Variants in POM121C observed in about 807,000 individuals in gnomAD.
POM121C encodes nuclear envelope pore membrane protein POM 121C.
POM121C carries 20 observed loss-of-function variants against 66.4 expected under a neutral mutation model. The observed-to-expected ratio is 0.30, with a 90% CI of 0.21 to 0.44. The LOEUF (loss-of-function observed/expected upper bound fraction) is 0.44. Ranked by LOEUF, POM121C falls within the 20% of genes least tolerant of loss-of-function variation. The probability of loss-of-function intolerance (pLI) is 1.00; values close to 1 mark genes in which losing one functional copy is unlikely to be tolerated. For synonymous variants in POM121C, 286 were observed against 528.0 expected (o/e 0.54, Z 6.28); for missense variants, 580 against 1,225.7 (o/e 0.47, Z 7.87).
At chr7:75,466,377 G>A (rs1177608226) in intron 3 of POM121C, among the ~76,000 whole-genome samples, 1 of 151,820 alleles carries the variant, frequency 6.6e-6, no homozygotes, top group Non-Finnish European at 1.5e-5. Flanking sequence ...AGGCTGAGGT[G>A]GGCAGATCTC....
chr7:75,427,858 G>T (rs1790016990), intron 7 of POM121C, among the ~76,000 whole-genome samples: 1 of 152,144 alleles, frequency 6.6e-6, no homozygotes, highest in Admixed American at 6.6e-5. Flanking sequence ...CAGACAAGTG[G>T]TAAGCAGCAG....
intron 13 of POM121C, chr7:75,419,746 G>GTA (rs1789618775): frequency 2.7e-6 from 1 of 364,328 alleles, no homozygotes; most frequent in Admixed American, 4.8e-5. Context: ...TGGGGCCCCC[G>GTA]CCTCCTAGCG....
At chr7:75,447,699 C>A (rs1339336204) in intron 3 of POM121C, among the ~76,000 whole-genome samples, 1 of 151,574 alleles carries the variant, frequency 6.6e-6, no homozygotes, top group Non-Finnish European at 1.5e-5. Context: ...ACAGCCTGGG[C>A]AACATAGTGA....
Position 75,419,601 on chromosome 7 carries a change from G to A in POM121C, c.2744-159C>T, listed in dbSNP as rs1177149553. On this transcript the variant is annotated intron_variant, in intron 13 of 14. Transcript: ENST00000615331. ...CCATCAGCAGCTGAGCCAGACAACC[G>A]AGTCTTCATGCCTGGTGCCCCAGCT... 8 of 814,322 alleles carry A rather than the reference G, an allele frequency of 9.8e-6. No homozygotes were observed. In the East Asian group the frequency reaches 1.7e-4, roughly 18 times the overall value. The allele number at this position is 814,322 out of a possible 1,614,324, so 50.4% of individuals were successfully genotyped here. A position where few individuals can be genotyped will look rare whatever the true frequency, so the allele number is the denominator to read the frequency against.
intron 3 of POM121C, among the ~76,000 whole-genome samples, chr7:75,460,906 G>A (rs61688923): frequency 0.16 from 24,268 of 152,028 alleles, 2,548 homozygotes; most frequent in African/African-American, 0.28. Context: ...GCTTCCCCAG[G>A]GACATCCTTC....
intron 13 of POM121C, 92 bp downstream of exon 13, chr7:75,421,416 AC>A: frequency 5.1e-6 from 8 of 1,577,468 alleles, no homozygotes; most frequent in Non-Finnish European, 6.9e-6. Flanking sequence ...CTGTCTCTTC[AC>A]TGCCACAGCA....
At chr7:75,424,288 C>G in intron 11 of POM121C, 63 bp from the exon 12 acceptor site, 2 of 1,579,050 alleles carry the variant, frequency 1.3e-6, no homozygotes, top group South Asian at 2.3e-5. Context: ...ACATGCCTGT[C>G]GGAGAGCAGG....
chr7:75,437,443 C>T (rs1790459628), intron 7 of POM121C, 72 bp downstream of exon 7: 1 of 1,523,244 alleles, frequency 6.6e-7, no homozygotes, highest in South Asian at 1.3e-5. Flanking sequence ...GCTAAGCTAC[C>T]ATGTCTGGCC....
intron 3 of POM121C, among the ~76,000 whole-genome samples, chr7:75,472,802 A>G (rs1476295976): frequency 6.6e-6 from 1 of 150,980 alleles, no homozygotes; most frequent in Non-Finnish European, 1.5e-5. Context: ...GCGAGACACT[A>G]TCTCAAAATG....
At chr7:75,472,265 A>G (rs1444526298) in intron 3 of POM121C, among the ~76,000 whole-genome samples, 2 of 151,780 alleles carry the variant, frequency 1.3e-5, no homozygotes, top group Admixed American at 1.3e-4. Context: ...TAATCCCAGC[A>G]CTTTGGGAAG....
At chr7:75,461,663 G>T (rs1554477027) in intron 3 of POM121C, among the ~76,000 whole-genome samples, 3 of 151,912 alleles carry the variant, frequency 2.0e-5, no homozygotes, top group Non-Finnish European at 1.5e-5. Flanking sequence ...TACCTGCCTC[G>T]GCCTCCCAAA....
Position 75,486,097 on chromosome 7 carries a change from C to T in POM121C, c.-691G>A. 2.7e-6 allele frequency: 1 copy of T among 366,232 alleles called. No individual in the cohort carries two copies. Among genetic ancestry groups the T allele is most frequent in the South Asian group, 2.0e-5 (1 of 50,140 alleles). 22.7% of individuals were successfully genotyped at this position (366,232 alleles called of 1,614,324 possible). The stretch of plus-strand genomic sequence containing the variant: ...CCCTCTGGCCCCAGCGCCGCCGGCT[C>T]CGGGGTTCACGCTCGGGGGTCCCAG... On this transcript the variant is annotated 5_prime_UTR_variant, in exon 1 of 15. Coordinates refer to ENST00000615331, the MANE Select transcript of POM121C (RefSeq NM_001099415.3).
intron 1 of POM121C, among the ~76,000 whole-genome samples, chr7:75,478,265 G>A (rs1393773215): frequency 6.6e-6 from 1 of 152,138 alleles, no homozygotes; most frequent in Admixed American, 6.5e-5. Flanking sequence ...CCACGCCTGG[G>A]CTGAAGCAGT....
chr7:75,459,648 AT>A (rs1199940457), intron 3 of POM121C, among the ~76,000 whole-genome samples: 1 of 146,596 alleles, frequency 6.8e-6, no homozygotes, highest in African/African-American at 2.5e-5. Context: ...ATCCAGAGAG[AT>A]TTTTTTTCAG....
chr7:75,484,585 T>C (rs587723090), intron 1 of POM121C, among the ~76,000 whole-genome samples: 169 of 148,960 alleles, frequency 1.1e-3, no homozygotes, highest in Non-Finnish European at 1.7e-3. Context: ...ACGAGAATCC[T>C]TTGAACCTGG....
chr7:75,431,074 CAAAAAAAAAAAAAAAA>C (rs34253601), intron 7 of POM121C, among the ~76,000 whole-genome samples: 1 of 59,716 alleles, frequency 1.7e-5, no homozygotes, highest in Admixed American at 2.7e-4. Context: ...GACTCTGTCT[CAAAAAAAAAAAAAAAA>C]AAAAAAAAAA....
chr7:75,439,526 C>T (rs1790547526), intron 5 of POM121C, among the ~76,000 whole-genome samples: 1 of 152,172 alleles, frequency 6.6e-6, no homozygotes, highest in Admixed American at 6.5e-5. Flanking sequence ...GCTGGGACTA[C>T]AAGTATGCAC....
rs35718925 is a variant in POM121C at position 75,466,211 on chromosome 7, T to TAA, written c.-152+8491_-152+8492dup. On this transcript the variant is annotated intron_variant, in intron 3 of 14. Transcript: ENST00000615331. ...CCCTAAATGCTTAGAGAAGAAGCAA[T>TAA]AAAAAAAAAAAAATCTTAAGAATCT... 6.3e-3 allele frequency among the ~76,000 whole-genome samples: 876 copies of TAA among 138,958 alleles called. 4 individuals carry two copies. The highest frequency in any genetic ancestry group is 0.01 in the Non-Finnish European group (659 of 63,818). 91.2% of individuals were successfully genotyped at this position (138,958 alleles called of 152,430 possible).
chr7:75,476,813 T>C (rs782755701), intron 1 of POM121C, among the ~76,000 whole-genome samples: 4 of 151,702 alleles, frequency 2.6e-5, no homozygotes, highest in Non-Finnish European at 5.9e-5. Context: ...AACAGACAAA[T>C]AGGACTTATT....
Sources: gnomAD v4.1 joint callset for allele counts (sites outside exome capture counted in the v4.1 genomes callset) on GRCh38, gnomAD v4.1.1 for gene constraint, MANE v1.5 for transcripts, NCBI Gene and HGNC (gene_info 2026-07-23, HGNC 2026-07-21) for gene names.